ZNF69: variants seen among roughly 807,000 people sequenced by gnomAD.
ZNF69 encodes ZNF3.
A neutral mutation model predicts 50.9 loss-of-function variants in ZNF69; 47 were observed. The observed-to-expected ratio is 0.92, with a 90% CI of 0.73 to 1.18. The LOEUF is 1.18. ZNF69 is among the 50% of genes most tolerant of loss of function. ZNF69 has a pLI of 0.00. For missense variants in ZNF69, 717 were observed against 675.1 expected, an observed-to-expected ratio of 1.06 and a Z score of -0.69; for synonymous variants, 216 against 223.1, an observed-to-expected ratio of 0.97 and a Z score of 0.29.
chr19:11,922,346 G>A, the ZNF69 span, among the ~76,000 whole-genome samples: 12 of 152,300 alleles, frequency 7.9e-5, no homozygotes, highest in South Asian at 1.4e-3. Context: ...GTAAGACAGC[G>A]TATAAAAACC....
downstream of ZNF69, chr19:11,914,379 T>C (rs1415123404): frequency 1.3e-5 from 2 of 152,150 alleles, no homozygotes; most frequent in Non-Finnish European, 2.9e-5. Context: ...CCTGGACCTG[T>C]TTTTGCCTTA....
the ZNF69 span, among the ~76,000 whole-genome samples, chr19:11,971,040 T>C: frequency 1.3e-5 from 2 of 152,236 alleles, no homozygotes; most frequent in East Asian, 1.9e-4. Flanking sequence ...TCTTAATTAG[T>C]GTAGAGTTCA....
At chr19:11,931,883 A>G in the ZNF69 span, among the ~76,000 whole-genome samples, 8 of 148,302 alleles carry the variant, frequency 5.4e-5, no homozygotes, top group East Asian at 1.9e-4. Flanking sequence ...TAGGAGGTCA[A>G]TGCATGCAGA....
the ZNF69 span, among the ~76,000 whole-genome samples, chr19:11,953,800 A>G: frequency 6.6e-6 from 1 of 152,208 alleles, no homozygotes; most frequent in Non-Finnish European, 1.5e-5. Context: ...ACAAATACAT[A>G]CCATAACATC....
chr19:11,954,544 T>C, the ZNF69 span, among the ~76,000 whole-genome samples: 3 of 152,164 alleles, frequency 2.0e-5, no homozygotes, highest in African/African-American at 7.2e-5. Context: ...TAAAGAATTA[T>C]TCATTGCTGG....
chr19:11,974,449 G>A, the ZNF69 span, among the ~76,000 whole-genome samples: 1 of 151,812 alleles, frequency 6.6e-6, no homozygotes, highest in Non-Finnish European at 1.5e-5. Context: ...CACCCGCCTT[G>A]GCCTCCCAAA....
the ZNF69 span, among the ~76,000 whole-genome samples, chr19:11,959,436 G>T: frequency 6.6e-6 from 1 of 152,102 alleles, no homozygotes; most frequent in Non-Finnish European, 1.5e-5. Context: ...TCAAAGTTTT[G>T]ATTCTTTTTG....
At chr19:11,979,112 G>A in the ZNF69 span, 2 of 1,613,494 alleles carry the variant, frequency 1.2e-6, no homozygotes, top group South Asian at 1.1e-5. Context: ...CCTTATAAAT[G>A]TTAGATATGT....
the ZNF69 span, chr19:11,979,213 G>A: frequency 3.1e-6 from 5 of 1,611,762 alleles, no homozygotes; most frequent in African/African-American, 5.4e-5. Flanking sequence ...ATGTGGTAAA[G>A]CCTTCAATCT....
the ZNF69 span, among the ~76,000 whole-genome samples, chr19:11,924,447 A>AAG: frequency 1.3e-5 from 2 of 151,710 alleles, no homozygotes; most frequent in African/African-American, 4.8e-5. Flanking sequence ...AAAAAAAAAA[A>AAG]AAAGAAAGAA....
the ZNF69 span, chr19:11,965,122 G>A: frequency 6.3e-7 from 1 of 1,588,682 alleles, no homozygotes; most frequent in Non-Finnish European, 8.6e-7. Flanking sequence ...CCTCTACCCA[G>A]GTTTCTATCG....
the ZNF69 span, chr19:11,949,424 C>T: frequency 6.2e-7 from 1 of 1,613,056 alleles, no homozygotes; most frequent in Admixed American, 1.7e-5. Context: ...CATGGTAGGA[C>T]TCATACTGGA....
At chr19:11,919,045 G>A (rs757055129), downstream of ZNF69, among the ~76,000 whole-genome samples, 75 of 151,850 alleles carry the variant, frequency 4.9e-4, no homozygotes, top group Non-Finnish European at 1.1e-3. Flanking sequence ...ACAGGCGCCC[G>A]CCACCACGCC....
chr19:11,897,189 A>G (rs1436052101), intron 1 of ZNF69, among the ~76,000 whole-genome samples: 3 of 152,042 alleles, frequency 2.0e-5, no homozygotes, highest in African/African-American at 7.2e-5. Flanking sequence ...CTCTACTAAA[A>G]ATACAAAATT....
chr19:11,947,802 T>C, the ZNF69 span, among the ~76,000 whole-genome samples: 7 of 152,158 alleles, frequency 4.6e-5, no homozygotes, highest in Non-Finnish European at 1.0e-4. Flanking sequence ...GGCCATCAGT[T>C]CCAGAACAGC....
chr19:11,925,102 GCTTTCCTCAC>G, the ZNF69 span: 1 of 1,319,034 alleles, frequency 7.6e-7, no homozygotes, highest in Non-Finnish European at 1.1e-6. Flanking sequence ...GGAGGGGGTC[GCTTTCCTCAC>G]CTTCCTCGCT....
chr19:11,924,413 CA>C, the ZNF69 span, among the ~76,000 whole-genome samples: 27,124 of 125,610 alleles, frequency 0.22, 3,286 homozygotes, highest in Non-Finnish European at 0.28. Context: ...GCCTGGGCTA[CA>C]GAGCAAGACT....
At chr19:11,917,697 C>T (rs986868988), downstream of ZNF69, among the ~76,000 whole-genome samples, 10 of 151,634 alleles carry the variant, frequency 6.6e-5, no homozygotes, top group African/African-American at 2.2e-4. Flanking sequence ...GGATCAGTGG[C>T]GTGATCTCGG....
chr19:11,889,795 A>G (rs1278276148), intron 1 of ZNF69, among the ~76,000 whole-genome samples: 1 of 152,168 alleles, frequency 6.6e-6, no homozygotes, highest in Non-Finnish European at 1.5e-5. Flanking sequence ...CTCAGTATTT[A>G]TTGATCACTA....
Sources: gnomAD v4.1 joint callset for allele counts (sites outside exome capture counted in the v4.1 genomes callset) on GRCh38, gnomAD v4.1.1 for gene constraint, MANE v1.5 for transcripts, NCBI Gene and HGNC (gene_info 2026-07-23, HGNC 2026-07-21) for gene names.